TENM4: variants seen among roughly 807,000 people sequenced by gnomAD.
TENM4 encodes the protein teneurin transmembrane protein 4.
Under a neutral mutation model 243.3 loss-of-function variants are expected in TENM4, and 82 were observed. That is an observed-to-expected ratio of 0.34 (90% CI 0.28 to 0.40). The LOEUF (loss-of-function observed/expected upper bound fraction) is 0.40, where lower values mean the gene tolerates loss of function less well. TENM4 is among the 10% of genes least tolerant of loss of function. The pLI is 1.00. For synonymous variants in TENM4, 1,412 were observed against 1,456.3 expected, an observed-to-expected ratio of 0.97 and a Z score of 0.69; for missense variants, 3,138 against 3,673.3, an observed-to-expected ratio of 0.85 and a Z score of 3.77.
chr11:79,220,083 T>A (rs1864128899), intron 2 of TENM4, among the ~76,000 whole-genome samples: 1 of 152,112 alleles, frequency 6.6e-6, no homozygotes, highest in Non-Finnish European at 1.5e-5. Context: ...ACCTGCTGGG[T>A]CCCTGAAGAA....
chr11:79,366,800 G>A (rs1371002283), intron 1 of TENM4, among the ~76,000 whole-genome samples: 1 of 152,120 alleles, frequency 6.6e-6, no homozygotes, highest in Non-Finnish European at 1.5e-5. Context: ...CTAAACACAG[G>A]AGAAATCACA....
chr11:78,925,960 A>C (rs1244807740), intron 6 of TENM4, among the ~76,000 whole-genome samples: 4 of 151,984 alleles, frequency 2.6e-5, no homozygotes, highest in Non-Finnish European at 5.9e-5. Flanking sequence ...AAGAAATAAA[A>C]AAAAAAAACA....
chr11:79,169,389 G>C (rs1026744271), intron 3 of TENM4, among the ~76,000 whole-genome samples: 3 of 152,112 alleles, frequency 2.0e-5, no homozygotes, highest in Admixed American at 6.5e-5. Flanking sequence ...GAGGGAGGGC[G>C]GTGGAACTTG....
At chr11:78,791,907 G>A (rs1462071397) in intron 15 of TENM4, among the ~76,000 whole-genome samples, 1 of 152,154 alleles carries the variant, frequency 6.6e-6, no homozygotes, top group Non-Finnish European at 1.5e-5. Flanking sequence ...AATGGAGGAG[G>A]GCTGGGGTCT....
At chr11:78,725,324 C>T (rs1420391392) in intron 23 of TENM4, among the ~76,000 whole-genome samples, 1 of 152,174 alleles carries the variant, frequency 6.6e-6, no homozygotes, top group Non-Finnish European at 1.5e-5. Context: ...TTGATGGGCA[C>T]TCACTGCCTT....
chr11:79,343,596 T>A (rs1857277474), intron 1 of TENM4, among the ~76,000 whole-genome samples: 1 of 152,152 alleles, frequency 6.6e-6, no homozygotes, highest in South Asian at 2.1e-4. Flanking sequence ...CTGACTCACC[T>A]TTTTAAAAAG....
chr11:78,935,546 TAC>T (rs1856765979), intron 6 of TENM4, among the ~76,000 whole-genome samples: 1 of 152,178 alleles, frequency 6.6e-6, no homozygotes, highest in Non-Finnish European at 1.5e-5. Context: ...TGTTTAACTA[TAC>T]AGTTCCCACA....
chr11:79,283,656 C>T (rs1856198974), intron 2 of TENM4, among the ~76,000 whole-genome samples: 1 of 152,154 alleles, frequency 6.6e-6, no homozygotes, highest in South Asian at 2.1e-4. Flanking sequence ...AGAAACAAGG[C>T]AAGGTGACTG....
chr11:79,325,010 G>A (rs1236063866), intron 1 of TENM4, among the ~76,000 whole-genome samples: 1 of 152,190 alleles, frequency 6.6e-6, no homozygotes, highest in Non-Finnish European at 1.5e-5. Context: ...CCAGGGACAG[G>A]TTTTTCTGAG....
At chr11:78,815,087 A>G (rs1461314066) in intron 12 of TENM4, among the ~76,000 whole-genome samples, 1 of 152,236 alleles carries the variant, frequency 6.6e-6, no homozygotes, top group Non-Finnish European at 1.5e-5. Context: ...TTCCAGAGAC[A>G]AAGACGTTCT....
In TENM4 at chr11:78,657,758, G is replaced by A; in HGVS notation, c.*300C>T. On this transcript the variant is annotated 3_prime_UTR_variant, in exon 34 of 34. Transcript: ENST00000278550. The stretch of plus-strand genomic sequence containing the variant: ...CCCAGGAGATGCATCTCAGAGAGGA[G>A]ATACATACCCCAAACGACAAGGGAA... The A allele has an allele frequency of 4.1e-6, 2 of 490,250 alleles. No homozygotes were observed. Among genetic ancestry groups the A allele is most frequent in the Non-Finnish European group, 3.7e-6 (1 of 271,018 alleles). The allele number at this position is 490,250 out of a possible 1,614,324, so 30.4% of individuals were successfully genotyped here. A position where few individuals can be genotyped will look rare whatever the true frequency, so the allele number is the denominator to read the frequency against.
chr11:79,309,610 A>G (rs1371308518), intron 1 of TENM4, among the ~76,000 whole-genome samples: 1 of 152,222 alleles, frequency 6.6e-6, no homozygotes, highest in South Asian at 2.1e-4. Flanking sequence ...GTTTCCAAAT[A>G]TAAATACGAA....
chr11:79,437,015 C>T (rs1445184313), intron 1 of TENM4, among the ~76,000 whole-genome samples: 2 of 152,188 alleles, frequency 1.3e-5, no homozygotes, highest in Non-Finnish European at 2.9e-5. Context: ...TTTCAGTTCC[C>T]CAAACATTTC....
intron 12 of TENM4, among the ~76,000 whole-genome samples, chr11:78,826,076 CTTTTTTTTTTT>C (rs59565048): frequency 1.5e-4 from 17 of 115,404 alleles, no homozygotes; most frequent in Admixed American, 2.7e-4. Flanking sequence ...AATCCCCCTC[CTTTTTTTTTTT>C]TTTTTTTTTT....
At chr11:78,659,263 T>C (rs1331506199) in intron 33 of TENM4, among the ~76,000 whole-genome samples, 1 of 152,230 alleles carries the variant, frequency 6.6e-6, no homozygotes, top group Admixed American at 6.5e-5. Flanking sequence ...CCACTCATTA[T>C]CTCAGTGATC....
chr11:78,715,379 C>T (rs745746778), intron 25 of TENM4, among the ~76,000 whole-genome samples: 35 of 152,082 alleles, frequency 2.3e-4, no homozygotes, highest in Non-Finnish European at 4.4e-4. Context: ...CTATTTACCT[C>T]GGCAGAAAAG....
At chr11:79,401,561 G>C (rs542648245) in intron 1 of TENM4, among the ~76,000 whole-genome samples, 3 of 152,142 alleles carry the variant, frequency 2.0e-5, no homozygotes, top group Admixed American at 1.3e-4. Flanking sequence ...GTCAGAAAAA[G>C]AAAACGTCAA....
intron 12 of TENM4, among the ~76,000 whole-genome samples, chr11:78,847,671 A>G (rs1858430246): frequency 6.6e-6 from 1 of 152,230 alleles, no homozygotes; most frequent in Admixed American, 6.5e-5. Flanking sequence ...AAGTGCTGCC[A>G]ATGTCATTTA....
chr11:78,938,316 A>G (rs758453395), intron 6 of TENM4, among the ~76,000 whole-genome samples: 1 of 152,226 alleles, frequency 6.6e-6, no homozygotes, highest in African/African-American at 2.4e-5. Context: ...CAAAAATAGT[A>G]CAAAGAGTTC....
Sources: gnomAD v4.1 joint callset for allele counts (sites outside exome capture counted in the v4.1 genomes callset) on GRCh38, gnomAD v4.1.1 for gene constraint, MANE v1.5 for transcripts, NCBI Gene and HGNC (gene_info 2026-07-23, HGNC 2026-07-21) for gene names.